The following EP400 variants were observed in gnomAD, a reference collection of about 807,000 sequenced individuals.
EP400 encodes E1A binding protein p400, also known as E1A-binding protein p400.
EP400 carries 105 observed loss-of-function variants against 354.1 expected under a neutral mutation model. The ratio of observed to expected loss-of-function variants is 0.30; its 90% CI spans 0.25 to 0.35. The LOEUF (loss-of-function observed/expected upper bound fraction) is 0.35, where lower values mean the gene tolerates loss of function less well. Ranked by LOEUF, EP400 falls within the 10% of genes least tolerant of loss-of-function variation. The pLI is 1.00. For missense variants in EP400, 3,280 were observed against 4,121.0 expected, an observed-to-expected ratio of 0.80 and a Z score of 5.59; for synonymous variants, 1,646 against 1,716.9, an observed-to-expected ratio of 0.96 and a Z score of 1.02.
In EP400 at chr12:132,045,053, T is replaced by C. The variant is rs1895042706; in HGVS notation, c.6784+100T>C. 2.6e-6 allele frequency: 4 copies of C among 1,512,496 alleles called. No homozygotes were observed. The South Asian group carries it at 3.7e-5, about 14-fold the overall frequency. The allele number at this position is 1,512,496 out of a possible 1,614,324, so 93.7% of individuals were successfully genotyped here. A position where few individuals can be genotyped will look rare whatever the true frequency, so the allele number is the denominator to read the frequency against. On this transcript the variant is annotated intron_variant, in intron 37 of 52. Coordinates refer to ENST00000389561, the MANE Select transcript of EP400 (RefSeq NM_015409.5). ...GCTGTCTGCCTGTCTGCTGTCTGCCTGTCTGCTGCAGGGCTAGCGATCACA... is the reference window on the plus strand; with the variant it reads ...GCTGTCTGCCTGTCTGCTGTCTGCCCGTCTGCTGCAGGGCTAGCGATCACA...
At chr12:131,978,948 G>A (rs956513734) in intron 2 of EP400, among the ~76,000 whole-genome samples, 1 of 152,058 alleles carries the variant, frequency 6.6e-6, no homozygotes, top group East Asian at 1.9e-4. Context: ...TGGGTGCGGT[G>A]GCTCACACCT....
chr12:132,011,745 C>G (rs1382084215), intron 16 of EP400, 111 bp downstream of exon 16: 1 of 1,307,732 alleles, frequency 7.6e-7, no homozygotes, highest in East Asian at 2.5e-5. Flanking sequence ...TATTAAAGAT[C>G]ACTCATTCAT....
chr12:132,031,554 T>C (rs1894497958), intron 29 of EP400, among the ~76,000 whole-genome samples: 1 of 152,142 alleles, frequency 6.6e-6, no homozygotes, highest in South Asian at 2.1e-4. Context: ...CAAGCAGTTT[T>C]GCTATGGGAT....
chr12:132,080,085 G>A lies in EP400; in HGVS notation c.*2412G>A, dbSNP rs981045347. On this transcript the variant is annotated 3_prime_UTR_variant, in exon 53 of 53. Transcript: ENST00000389561. ...ACACAGACTATAAAGGCAGCAGCCCGAACACTGTCAGACTCTAATTGGCGA... is the reference window on the plus strand; with the variant it reads ...ACACAGACTATAAAGGCAGCAGCCCAAACACTGTCAGACTCTAATTGGCGA... The A allele has an allele frequency of 6.6e-6, 1 of 152,182 alleles. No individual in the cohort carries two copies. Among genetic ancestry groups the A allele is most frequent in the African/African-American group, 2.4e-5 (1 of 41,438 alleles). The allele number at this position is 152,182 out of a possible 1,614,324, so 9.4% of individuals were successfully genotyped here.
chr12:132,060,759 A>T (rs1179174029), intron 45 of EP400, among the ~76,000 whole-genome samples: 1 of 151,972 alleles, frequency 6.6e-6, no homozygotes, highest in Non-Finnish European at 1.5e-5. Flanking sequence ...TACCAAAATT[A>T]CAAAATTAGC....
rs755467448 is a variant in EP400 at position 131,988,739 on chromosome 12, G to A, written c.2409+849G>A. ...CTGTGCTTTCACTGTGTGAACAGCC[G>A]TGGCCCTTCTTTATCCTCCTCATTA... On this transcript the variant is annotated intron_variant, in intron 7 of 52. Transcript: ENST00000389561. Among the ~76,000 whole-genome samples the A allele has an allele frequency of 9.8e-5, 15 of 152,300 alleles. No individual in the cohort carries two copies. In the South Asian group the frequency reaches 1.5e-3, roughly 15 times the overall value.
intron 48 of EP400, 65 bp downstream of exon 48, chr12:132,064,951 C>T (rs534550048): frequency 8.5e-6 from 13 of 1,528,006 alleles, no homozygotes; most frequent in Admixed American, 6.0e-5. Flanking sequence ...ACAGCTGTTG[C>T]GCTTGCTCAG....
chr12:131,973,836 A>T (rs1397208797), intron 2 of EP400, among the ~76,000 whole-genome samples: 10 of 152,102 alleles, frequency 6.6e-5, no homozygotes, highest in Non-Finnish European at 1.5e-5. Context: ...AAATACTACT[A>T]ATATTATTAT....
In EP400 at chr12:132,067,155, T is replaced by G; in HGVS notation, c.8749+186T>G. On this transcript the variant is annotated intron_variant, in intron 49 of 52. Coordinates refer to ENST00000389561, the MANE Select transcript of EP400 (RefSeq NM_015409.5). The surrounding 1 kb of genome is among the most constrained non-coding windows in gnomAD (Gnocchi z 5.3). The stretch of plus-strand genomic sequence containing the variant: ...CGCAAGGCTGGGTCCTCAATTGAAC[T>G]GTTAACATTCTGAAATTTCCGTCTT... 1 of 1,129,552 alleles carries G rather than the reference T, an allele frequency of 8.9e-7. No individual in the cohort carries two copies. 70.0% of individuals were successfully genotyped at this position (1,129,552 alleles called of 1,614,324 possible). A position where few individuals can be genotyped will look rare whatever the true frequency, so the allele number is the denominator to read the frequency against.
chr12:131,961,453 G>C lies in EP400; in HGVS notation c.834G>C (p.Gln278His), dbSNP rs1229403954. The C allele has an allele frequency of 6.5e-7, 1 of 1,532,094 alleles. No individual in the cohort carries two copies. Among genetic ancestry groups the C allele is most frequent in the Non-Finnish European group, 8.8e-7 (1 of 1,131,860 alleles). The allele number at this position is 1,532,094 out of a possible 1,614,324, so 94.9% of individuals were successfully genotyped here. ...ISSIIQGQLVQQQQVLQGPPL... is the reference protein window; with the variant it reads ...ISSIIQGQLVHQQQVLQGPPL... ...GCATCATCCAGGGCCAGCTGGTTCA[G>C]CAGCAGCAGGTGCTGCAGGGGCCGC... Residue 278 changes from glutamine (Q) to histidine (H), a missense_variant, in exon 2 of 53, where the codon CAG (glutamine) becomes CAC (histidine). This residue lies in a region of EP400 where 85 missense variants were observed against 180.3 expected (regional missense o/e 0.47). Coordinates refer to ENST00000389561, the MANE Select transcript of EP400 (RefSeq NM_015409.5).
rs566284721 is a variant in EP400 at position 132,079,627 on chromosome 12, G to A, written c.*1954G>A. On this transcript the variant is annotated 3_prime_UTR_variant, in exon 53 of 53. Coordinates refer to ENST00000389561, the MANE Select transcript of EP400 (RefSeq NM_015409.5). ...GAATATCCTAGACATAACTGTCTAA[G>A]TAAAAGCGCTCTATTAATCTAAAAC... is the stretch of plus-strand genomic sequence containing the variant. 12 of 152,370 alleles carry A rather than the reference G, an allele frequency of 7.9e-5. No homozygotes were observed. The South Asian group carries it at 2.5e-3, about 32-fold the overall frequency. The allele number at this position is 152,370 out of a possible 1,614,324, so 9.4% of individuals were successfully genotyped here.
intron 39 of EP400, among the ~76,000 whole-genome samples, chr12:132,046,210 C>T (rs1386070260): frequency 6.6e-6 from 1 of 152,204 alleles, no homozygotes; most frequent in African/African-American, 2.4e-5. Flanking sequence ...GTTGTCATTT[C>T]TAAGATAATG....
At chr12:131,954,217 CTTAAAA>C (rs1303954903) in intron 1 of EP400, among the ~76,000 whole-genome samples, 1 of 150,730 alleles carries the variant, frequency 6.6e-6, no homozygotes, top group Non-Finnish European at 1.5e-5. Context: ...ATCCATTTGT[CTTAAAA>C]TTAAAAAAAA....
intron 39 of EP400, among the ~76,000 whole-genome samples, chr12:132,048,441 A>T (rs1366750711): frequency 6.6e-6 from 1 of 152,162 alleles, no homozygotes; most frequent in African/African-American, 2.4e-5. Flanking sequence ...TTCCTGCAAC[A>T]ATATTGTCTT....
chr12:132,005,672 C>CCA (rs1893556006), intron 13 of EP400, among the ~76,000 whole-genome samples: 2 of 152,230 alleles, frequency 1.3e-5, no homozygotes, highest in South Asian at 4.2e-4. Context: ...TTACCAGACC[C>CCA]CACGCTGCCA....
At chr12:132,019,934 CT>C (rs1466780763) in intron 21 of EP400, 114 bp from the exon 22 acceptor site, 79 of 1,134,200 alleles carry the variant, frequency 7.0e-5, no homozygotes, top group Non-Finnish European at 9.3e-5. Flanking sequence ...ACTCTGGGTG[CT>C]GGTCCCTGAG....
intron 4 of EP400, 89 bp downstream of exon 4, chr12:131,981,685 A>G: frequency 5.2e-6 from 6 of 1,150,450 alleles, no homozygotes; most frequent in Admixed American, 2.3e-5. Flanking sequence ...AGACTTGGGC[A>G]GTGGAGGTAG....
chr12:132,028,657 A>C (rs1157323106), intron 27 of EP400, among the ~76,000 whole-genome samples: 1 of 152,224 alleles, frequency 6.6e-6, no homozygotes, highest in Non-Finnish European at 1.5e-5. Flanking sequence ...CATGATGACA[A>C]ATGTGGGCAG....
At chr12:132,023,466 A>G (rs1293958817) in intron 23 of EP400, among the ~76,000 whole-genome samples, 1 of 151,812 alleles carries the variant, frequency 6.6e-6, no homozygotes, top group Non-Finnish European at 1.5e-5. Flanking sequence ...GATTTCTGCT[A>G]TTTTTGTTGT....
Sources: allele counts gnomAD v4.1 joint callset (sites outside exome capture counted in the v4.1 genomes callset), GRCh38; gene constraint gnomAD v4.1.1; regional missense constraint gnomAD v4.1.1; non-coding constraint Gnocchi (gnomAD v3.1); transcripts MANE v1.5; gene names NCBI Gene and HGNC (gene_info 2026-07-23, HGNC 2026-07-21).